Variants in ITPR1 observed in about 807,000 individuals in gnomAD.
The protein encoded by ITPR1 is inositol 1,4,5-trisphosphate-gated calcium channel ITPR1.
ITPR1 carries 96 observed loss-of-function variants against 318.4 expected under a neutral mutation model. The observed-to-expected ratio is 0.30, with a 90% CI of 0.26 to 0.36. The LOEUF (loss-of-function observed/expected upper bound fraction) is 0.36, where lower values mean the gene tolerates loss of function less well. Among genes scored for constraint, ITPR1 ranks in the 10% least tolerant of loss-of-function variants. The pLI is 1.00. For synonymous variants in ITPR1, 1,312 were observed against 1,289.9 expected, an observed-to-expected ratio of 1.02 and a Z score of -0.37; for missense variants, 2,440 against 3,460.2, an observed-to-expected ratio of 0.71 and a Z score of 7.40.
At chr3:4,822,503 C>T (rs2049793188) in intron 60 of ITPR1, among the ~76,000 whole-genome samples, 1 of 152,216 alleles carries the variant, frequency 6.6e-6, no homozygotes, top group Admixed American at 6.5e-5. Flanking sequence ...GTTCTTTTCT[C>T]TGTTGAATTG....
At chr3:4,796,539 A>G (rs967258895) in intron 53 of ITPR1, among the ~76,000 whole-genome samples, 3 of 152,054 alleles carry the variant, frequency 2.0e-5, no homozygotes, top group Admixed American at 2.0e-4. Context: ...AGATTATTCA[A>G]CCCTTACCTT....
chr3:4,505,090 G>T (rs573336735), intron 2 of ITPR1, among the ~76,000 whole-genome samples: 1 of 151,900 alleles, frequency 6.6e-6, no homozygotes, highest in Admixed American at 6.6e-5. Context: ...CTTATCCTCG[G>T]TTCTGAGGGG....
At chr3:4,827,538 G>A (rs1178162262) in intron 60 of ITPR1, among the ~76,000 whole-genome samples, 1 of 152,208 alleles carries the variant, frequency 6.6e-6, no homozygotes, top group Non-Finnish European at 1.5e-5. Flanking sequence ...ATAGTCATTT[G>A]TATGAGAAAG....
intron 4 of ITPR1, among the ~76,000 whole-genome samples, chr3:4,568,785 T>C (rs1445906190): frequency 6.6e-6 from 1 of 151,916 alleles, no homozygotes; most frequent in Non-Finnish European, 1.5e-5. Context: ...GCTCTATGAG[T>C]GTATTAGGCT....
At chr3:4,801,637 G>C (rs866269216) in intron 54 of ITPR1, among the ~76,000 whole-genome samples, 1 of 152,036 alleles carries the variant, frequency 6.6e-6, no homozygotes, top group African/African-American at 2.4e-5. Context: ...GGTAGCATGC[G>C]CCTATAATCC....
At chr3:4,579,020 C>A (rs969822522) in intron 4 of ITPR1, among the ~76,000 whole-genome samples, 2 of 152,084 alleles carry the variant, frequency 1.3e-5, no homozygotes, top group African/African-American at 4.8e-5. Flanking sequence ...ATTTTGCTTC[C>A]AGGCGAGGCT....
chr3:4,687,574 C>T (rs1175423785), intron 30 of ITPR1, among the ~76,000 whole-genome samples: 2 of 152,138 alleles, frequency 1.3e-5, no homozygotes, highest in African/African-American at 2.4e-5. Flanking sequence ...CTTAGGAAGA[C>T]TATTGTGGGC....
At chr3:4,520,789 G>A (rs896529016) in intron 3 of ITPR1, among the ~76,000 whole-genome samples, 4 of 152,182 alleles carry the variant, frequency 2.6e-5, no homozygotes. Context: ...ATGGTTATGG[G>A]AAAGGAGCCA....
chr3:4,832,043 C>T (rs985405187), intron 60 of ITPR1, among the ~76,000 whole-genome samples: 3 of 152,176 alleles, frequency 2.0e-5, no homozygotes, highest in African/African-American at 7.2e-5. Flanking sequence ...ATTTTAACTA[C>T]CAGGTACTTC....
At chr3:4,749,376 T>C (rs545554592) in intron 44 of ITPR1, 4 of 152,346 alleles carry the variant, frequency 2.6e-5, no homozygotes, top group African/African-American at 2.4e-5. Context: ...GTAGGAGTGA[T>C]AGCCAGAGCA....
chr3:4,755,224 A>G (rs1233163492), intron 44 of ITPR1, among the ~76,000 whole-genome samples: 4 of 145,170 alleles, frequency 2.8e-5, no homozygotes, highest in Non-Finnish European at 6.0e-5. Flanking sequence ...GTTGTTGTTG[A>G]ATATGTGTGA....
chr3:4,730,898 T>G (rs2042884757), intron 42 of ITPR1, among the ~76,000 whole-genome samples: 1 of 152,190 alleles, frequency 6.6e-6, no homozygotes, highest in African/African-American at 2.4e-5. Flanking sequence ...CTGTCTTCCC[T>G]GGCTGCGGCT....
intron 52 of ITPR1, among the ~76,000 whole-genome samples, chr3:4,789,864 C>T (rs1212890375): frequency 3.9e-5 from 6 of 152,154 alleles, no homozygotes; most frequent in South Asian, 2.1e-4. Flanking sequence ...GTGATCCATC[C>T]GCCTCAGCTT....
intron 23 of ITPR1, among the ~76,000 whole-genome samples, chr3:4,675,593 A>G (rs1313771629): frequency 1.3e-5 from 2 of 152,236 alleles, no homozygotes; most frequent in African/African-American, 2.4e-5. Context: ...TTGAATGTTT[A>G]TATAACAAAT....
chr3:4,504,551 A>G (rs984046303), intron 2 of ITPR1, among the ~76,000 whole-genome samples: 1 of 152,202 alleles, frequency 6.6e-6, no homozygotes, highest in Admixed American at 6.5e-5. Flanking sequence ...ATTTCTGAGG[A>G]CGATCTGATT....
In ITPR1 at chr3:4,506,215, T is replaced by G. The variant is rs571495019; in HGVS notation, c.-16-10261T>G. Among the ~76,000 whole-genome samples the G allele has an allele frequency of 9.2e-5, 14 of 152,352 alleles. 1 individual carries two copies. In the East Asian group the frequency reaches 1.7e-3, roughly 19 times the overall value. Reference sequence around the variant, plus strand: ...AAGGCCAACTTTTTACCCTGGCTTGTGAAGTCCTACTGGCTCTATCTTCTC... The same window carrying G: ...AAGGCCAACTTTTTACCCTGGCTTGGGAAGTCCTACTGGCTCTATCTTCTC... On this transcript the variant is annotated intron_variant, in intron 2 of 61. Transcript: ENST00000649015.
chr3:4,565,878 A>G (rs1399249033), intron 4 of ITPR1, among the ~76,000 whole-genome samples: 5 of 152,252 alleles, frequency 3.3e-5, no homozygotes, highest in African/African-American at 1.2e-4. Context: ...GTATATTAAT[A>G]TCAAAAGTGA....
chr3:4,653,045 G>A lies in ITPR1; in HGVS notation c.952-797G>A, dbSNP rs901291492. Among the ~76,000 whole-genome samples the A allele has an allele frequency of 3.3e-5, 5 of 152,212 alleles. No homozygotes were observed. The East Asian group carries it at 9.6e-4, about 29-fold the overall frequency. Reference sequence around the variant, plus strand: ...ACGAAAGACTCAATGCTGAAGGACAGGAGGAATTTACCTTTTAATTTTTGT... The same window carrying A: ...ACGAAAGACTCAATGCTGAAGGACAAGAGGAATTTACCTTTTAATTTTTGT... On this transcript the variant is annotated intron_variant, in intron 11 of 61. Transcript: ENST00000649015.
chr3:4,701,206 A>G (rs545142232), intron 35 of ITPR1, among the ~76,000 whole-genome samples: 2 of 152,334 alleles, frequency 1.3e-5, no homozygotes, highest in South Asian at 4.1e-4. Context: ...CATCTAGTCA[A>G]GAGACACTGC....
Sources: allele counts gnomAD v4.1 joint callset (sites outside exome capture counted in the v4.1 genomes callset), GRCh38; gene constraint gnomAD v4.1.1; transcripts MANE v1.5; gene names NCBI Gene and HGNC (gene_info 2026-07-23, HGNC 2026-07-21).